The following ADCY1 variants were observed in gnomAD, a reference collection of about 807,000 sequenced individuals.
ADCY1 encodes the protein adenylate cyclase 1, also known as adenylate cyclase type 1.
ADCY1 carries 28 observed loss-of-function variants against 105.4 expected under a neutral mutation model. That is an observed-to-expected ratio of 0.27 (90% CI 0.20 to 0.36). The LOEUF (loss-of-function observed/expected upper bound fraction) is 0.36, where lower values mean the gene tolerates loss of function less well. ADCY1 is among the 10% of genes least tolerant of loss of function. The pLI, the probability that ADCY1 is intolerant of heterozygous loss-of-function variation, is 1.00. For synonymous variants in ADCY1, 655 were observed against 623.8 expected, an observed-to-expected ratio of 1.05 and a Z score of -0.75; for missense variants, 977 against 1,434.2, an observed-to-expected ratio of 0.68 and a Z score of 5.15.
intron 3 of ADCY1, among the ~76,000 whole-genome samples, chr7:45,621,800 G>C (rs1793898915): frequency 6.6e-6 from 1 of 152,194 alleles, no homozygotes; most frequent in Admixed American, 6.5e-5. Flanking sequence ...AAAAAGCCAA[G>C]AACACTTTGA....
At position 45,710,634 on chromosome 7, in the gene ADCY1, G is replaced by A. The variant is rs754702983; in HGVS notation, c.3039G>A (p.Gly1013=). 1 of 1,613,786 alleles carries A rather than the reference G, an allele frequency of 6.2e-7. No individual in the cohort carries two copies. Among genetic ancestry groups the A allele is most frequent in the South Asian group, 1.1e-5 (1 of 91,060 alleles). The change falls in exon 19 of 20, where the codon GGG becomes GGA. Residue 1013 remains glycine, a synonymous_variant. Transcript: ENST00000297323. This position sits in a 1 kb window ranked among gnomAD's most constrained non-coding sequence, Gnocchi z 4.7. The part of the protein sequence containing the change: ...VNVASRMDST[G]VQGRIQVTEE... ...TGGCCAGTCGGATGGATAGCACAGGGGTCCAGGGCAGAATCCAGGTCAGTT... is the reference window on the plus strand; with the variant it reads ...TGGCCAGTCGGATGGATAGCACAGGAGTCCAGGGCAGAATCCAGGTCAGTT...
At chr7:45,595,540 C>T (rs759885793) in intron 2 of ADCY1, among the ~76,000 whole-genome samples, 7 of 152,156 alleles carry the variant, frequency 4.6e-5, no homozygotes, top group Non-Finnish European at 8.8e-5. Flanking sequence ...GTGATTAGTA[C>T]GCTTCAACCC....
intron 5 of ADCY1, among the ~76,000 whole-genome samples, chr7:45,654,608 G>A (rs183105231): frequency 7.2e-5 from 11 of 152,324 alleles, no homozygotes; most frequent in Admixed American, 3.3e-4. Flanking sequence ...GGGCTAGTGT[G>A]TGCCACATGG....
intron 2 of ADCY1, among the ~76,000 whole-genome samples, chr7:45,600,951 C>T (rs1315650412): frequency 2.0e-5 from 3 of 152,174 alleles, no homozygotes; most frequent in African/African-American, 4.8e-5. Context: ...ATAGTCACCA[C>T]ATTGGGTTTT....
chr7:45,641,995 G>C (rs550153935), intron 4 of ADCY1, among the ~76,000 whole-genome samples: 1 of 150,792 alleles, frequency 6.6e-6, no homozygotes, highest in Non-Finnish European at 1.5e-5. Context: ...CAAATGAGAT[G>C]GACATATGTC....
chr7:45,583,900 A>C (rs1046849997), intron 1 of ADCY1, among the ~76,000 whole-genome samples: 11 of 148,180 alleles, frequency 7.4e-5, no homozygotes, highest in African/African-American at 2.3e-4. Context: ...TTGGCCTCCC[A>C]AAGTGTTGAC....
At position 45,715,259 on chromosome 7, in the gene ADCY1, C is replaced by G. The variant is rs115260268; in HGVS notation, c.*1264C>G. The G allele has an allele frequency of 6.6e-6, 1 of 152,424 alleles. No individual in the cohort carries two copies. The highest frequency in any genetic ancestry group is 2.4e-5 in the African/African-American group (1 of 41,412). The allele number at this position is 152,424 out of a possible 1,614,324, so 9.4% of individuals were successfully genotyped here. A position where few individuals can be genotyped will look rare whatever the true frequency, so the allele number is the denominator to read the frequency against. ...TCTGGCATGTGGAAACCTTGGATCT[C>G]GGTCACAGGGAGGAAGGCAGCTAGA... On this transcript the variant is annotated 3_prime_UTR_variant, in exon 20 of 20. Coordinates refer to ENST00000297323, the MANE Select transcript of ADCY1 (RefSeq NM_021116.4).
Position 45,722,890 on chromosome 7 carries a change from TTA to T in ADCY1, c.*8897_*8898del, listed in dbSNP as rs1455001343. 6.6e-6 allele frequency: 1 copy of T among 152,660 alleles called. No individual in the cohort carries two copies. The highest frequency in any genetic ancestry group is 2.4e-5 in the African/African-American group (1 of 41,454). 9.5% of individuals were successfully genotyped at this position (152,660 alleles called of 1,614,324 possible). ...TTGTATGATCAATACGGGTCTATTT[TTA>T]TGTCAACTGAACACTGTAGGGTACC... On this transcript the variant is annotated 3_prime_UTR_variant, in exon 20 of 20. Transcript: ENST00000297323.
chr7:45,600,550 T>C (rs1412243072), intron 2 of ADCY1, among the ~76,000 whole-genome samples: 4 of 152,210 alleles, frequency 2.6e-5, no homozygotes, highest in African/African-American at 9.6e-5. Flanking sequence ...TGGAAAATGG[T>C]GGCTTAAACA....
rs1477971048 is a variant in ADCY1, at chr7:45,722,010, A to C, written c.*8015A>C. 2.5e-6 allele frequency: 1 copy of C among 393,966 alleles called. No homozygotes were observed. Among genetic ancestry groups the C allele is most frequent in the African/African-American group, 2.1e-5 (1 of 48,520 alleles). 24.4% of individuals were successfully genotyped at this position (393,966 alleles called of 1,614,324 possible). A position where few individuals can be genotyped will look rare whatever the true frequency, so the allele number is the denominator to read the frequency against. On this transcript the variant is annotated 3_prime_UTR_variant, in exon 20 of 20. Coordinates refer to ENST00000297323, the MANE Select transcript of ADCY1 (RefSeq NM_021116.4). The stretch of plus-strand genomic sequence containing the variant: ...AGCCCAGAGCATCCTGCCTGTGGGC[A>C]TCCACCTCCCAGGTGAGGGCAGTGG...
intron 3 of ADCY1, among the ~76,000 whole-genome samples, chr7:45,611,657 A>C (rs1793597518): frequency 6.7e-6 from 1 of 148,818 alleles, no homozygotes; most frequent in African/African-American, 2.5e-5. Flanking sequence ...TTTTTTAAAG[A>C]TTCTGTTTAA....
chr7:45,586,236 G>A (rs1020965905), intron 1 of ADCY1, among the ~76,000 whole-genome samples: 7 of 151,934 alleles, frequency 4.6e-5, no homozygotes, highest in African/African-American at 1.2e-4. Context: ...GGCTGCATGC[G>A]GCCCTAACAC....
intron 4 of ADCY1, among the ~76,000 whole-genome samples, chr7:45,633,579 G>A (rs971668836): frequency 2.6e-5 from 4 of 152,046 alleles, no homozygotes; most frequent in Admixed American, 1.3e-4. Context: ...CAAGGCGGGC[G>A]GATCACGAGA....
intron 10 of ADCY1, among the ~76,000 whole-genome samples, chr7:45,679,234 C>T (rs570633388): frequency 4.6e-5 from 7 of 152,328 alleles, no homozygotes; most frequent in Admixed American, 1.3e-4. Context: ...GGAGTTCAGC[C>T]CTGGGTGCTC....
At chr7:45,630,396 G>A (rs992910709) in intron 4 of ADCY1, among the ~76,000 whole-genome samples, 2 of 152,196 alleles carry the variant, frequency 1.3e-5, no homozygotes, top group Admixed American at 1.3e-4. Context: ...AAACTTGGTG[G>A]CTTGAAACAA....
intron 8 of ADCY1, among the ~76,000 whole-genome samples, chr7:45,670,987 C>T (rs189785742): frequency 1.1e-4 from 16 of 152,286 alleles, no homozygotes; most frequent in Admixed American, 5.9e-4. Context: ...AACCAGTGAC[C>T]GGCAGGGAAC....
At chr7:45,584,360 G>A (rs1262693513) in intron 1 of ADCY1, among the ~76,000 whole-genome samples, 3 of 152,212 alleles carry the variant, frequency 2.0e-5, no homozygotes, top group Admixed American at 6.5e-5. Context: ...GATGGATGGG[G>A]AATTGTTGTT....
At chr7:45,632,408 C>G (rs1041592051) in intron 4 of ADCY1, among the ~76,000 whole-genome samples, 2 of 152,150 alleles carry the variant, frequency 1.3e-5, no homozygotes, top group African/African-American at 4.8e-5. Flanking sequence ...TGTTACCAAT[C>G]TTCGGAGGAT....
chr7:45,645,653 A>C (rs1357122216), intron 4 of ADCY1, among the ~76,000 whole-genome samples: 2 of 152,060 alleles, frequency 1.3e-5, no homozygotes, highest in Non-Finnish European at 2.9e-5. Context: ...CCCTGGAAGG[A>C]TGCTGGGAAC....
Sources: gnomAD v4.1 joint callset for allele counts (sites outside exome capture counted in the v4.1 genomes callset) on GRCh38, gnomAD v4.1.1 for gene constraint, Gnocchi (gnomAD v3.1) non-coding constraint, MANE v1.5 for transcripts, NCBI Gene and HGNC (gene_info 2026-07-23, HGNC 2026-07-21) for gene names.